NUBPL: variants seen among roughly 807,000 people sequenced by gnomAD.
NUBPL encodes iron-sulfur cluster transfer protein NUBPL.
In NUBPL, 31 loss-of-function variants were observed where a neutral mutation model predicts 45.7. The ratio of observed to expected loss-of-function variants is 0.68; its 90% CI spans 0.51 to 0.92. The LOEUF (loss-of-function observed/expected upper bound fraction) is 0.92, where lower values mean the gene tolerates loss of function less well. Among genes scored for constraint, NUBPL ranks in the 40% least tolerant of loss-of-function variants. NUBPL has a pLI of 0.00. For missense variants in NUBPL, 401 were observed against 398.7 expected (o/e 1.01, Z -0.05); for synonymous variants, 144 against 140.9 (o/e 1.02, Z -0.15).
chr14:31,561,645 A>G, intron 1 of NUBPL, 98 bp downstream of exon 1: 2 of 792,270 alleles, frequency 2.5e-6, no homozygotes, highest in Non-Finnish European at 3.6e-6. Context: ...GACTCGCCTC[A>G]GTTCCTGAGA....
chr14:31,712,658 A>G (rs957446943), intron 6 of NUBPL, among the ~76,000 whole-genome samples: 2 of 152,248 alleles, frequency 1.3e-5, no homozygotes, highest in African/African-American at 4.8e-5. Context: ...ACCAAGAGTG[A>G]GTGAGGGCTG....
intron 6 of NUBPL, among the ~76,000 whole-genome samples, chr14:31,676,020 A>T (rs1406433670): frequency 6.6e-6 from 1 of 150,964 alleles, no homozygotes; most frequent in Non-Finnish European, 1.5e-5. Context: ...ATTATACAGG[A>T]TGTAGCTTTT....
At chr14:31,710,262 GT>G (rs1311297870) in intron 6 of NUBPL, among the ~76,000 whole-genome samples, 1 of 152,046 alleles carries the variant, frequency 6.6e-6, no homozygotes, top group African/African-American at 2.4e-5. Flanking sequence ...CGCAGATTTG[GT>G]TTGTTTGTTT....
intron 6 of NUBPL, among the ~76,000 whole-genome samples, chr14:31,728,309 T>TTTA (rs1005520938): frequency 2.2e-4 from 33 of 151,704 alleles, no homozygotes; most frequent in African/African-American, 7.0e-4. Context: ...TATAAATTTA[T>TTTA]TTATTATTAT....
intron 6 of NUBPL, among the ~76,000 whole-genome samples, chr14:31,775,431 C>CA: frequency 6.6e-6 from 1 of 152,084 alleles, no homozygotes; most frequent in East Asian, 1.9e-4. Context: ...AAAAGCAAAA[C>CA]AAAACAAAAG....
chr14:31,672,466 G>A (rs978996891), intron 4 of NUBPL, among the ~76,000 whole-genome samples: 1 of 151,990 alleles, frequency 6.6e-6, no homozygotes, highest in Non-Finnish European at 1.5e-5. Context: ...TTTTATTGAG[G>A]TTATTTATTT....
At chr14:31,805,659 A>G (rs1363782863) in intron 7 of NUBPL, among the ~76,000 whole-genome samples, 1 of 152,200 alleles carries the variant, frequency 6.6e-6, no homozygotes, top group East Asian at 1.9e-4. Context: ...TAATGCAGGA[A>G]TAAAAAAACA....
intron 4 of NUBPL, among the ~76,000 whole-genome samples, chr14:31,632,004 T>C: frequency 6.6e-6 from 1 of 152,150 alleles, no homozygotes; most frequent in Non-Finnish European, 1.5e-5. Context: ...AGTTGTATAA[T>C]AATGAATCAG....
intron 4 of NUBPL, among the ~76,000 whole-genome samples, chr14:31,632,103 G>T (rs1037132507): frequency 6.6e-6 from 1 of 152,138 alleles, no homozygotes; most frequent in South Asian, 2.1e-4. Context: ...GTTTCCTGGG[G>T]CTACTTTCCA....
chr14:31,596,193 G>A (rs2034279041), intron 3 of NUBPL, among the ~76,000 whole-genome samples: 1 of 151,972 alleles, frequency 6.6e-6, no homozygotes, highest in East Asian at 1.9e-4. Context: ...GTGAGCCACC[G>A]CGCCCGGCCT....
chr14:31,828,466 C>T (rs2040139076), intron 8 of NUBPL, among the ~76,000 whole-genome samples: 1 of 152,174 alleles, frequency 6.6e-6, no homozygotes, highest in Non-Finnish European at 1.5e-5. Flanking sequence ...AATAGCCATT[C>T]TATTTGCACA....
In NUBPL at chr14:31,660,204, ATTC is replaced by A. The variant is rs573156789; in HGVS notation, c.383-13150_383-13148del. ...TGGCTCAAGTTTTGAGTTTTGACCC[ATTC>A]CACTTTCTAGTCTTTACTTACCTTC... On this transcript the variant is annotated intron_variant, in intron 4 of 10. Transcript: ENST00000281081. Among the ~76,000 whole-genome samples the A allele has an allele frequency of 2.1e-3, 318 of 152,230 alleles. 1 individual carries two copies. The highest frequency in any genetic ancestry group is 7.3e-3 in the African/African-American group (304 of 41,550).
chr14:31,805,070 A>G (rs997006590), intron 7 of NUBPL, among the ~76,000 whole-genome samples: 1 of 127,440 alleles, frequency 7.8e-6, no homozygotes, highest in South Asian at 2.6e-4. Context: ...TCTATTTACA[A>G]GACAAAAAAA....
chr14:31,739,200 TTCTATATATATATTATATTA>T (rs1260125243), intron 6 of NUBPL, among the ~76,000 whole-genome samples: 2 of 142,178 alleles, frequency 1.4e-5, no homozygotes, highest in African/African-American at 5.0e-5. Flanking sequence ...ATATATTATA[TTCTATATATATATTATATTA>T]TATATATATA....
At chr14:31,817,386 C>T (rs376994492) in intron 7 of NUBPL, among the ~76,000 whole-genome samples, 1 of 152,066 alleles carries the variant, frequency 6.6e-6, no homozygotes, top group Non-Finnish European at 1.5e-5. Flanking sequence ...TCAGATTCAC[C>T]AAGGTTGAAA....
intron 4 of NUBPL, among the ~76,000 whole-genome samples, chr14:31,636,684 C>A (rs1307070930): frequency 3.9e-5 from 6 of 152,140 alleles, no homozygotes; most frequent in Admixed American, 3.3e-4. Context: ...CCTTCTTGTA[C>A]CTCTGGTAGA....
chr14:31,572,186 C>T (rs781326365), intron 3 of NUBPL, among the ~76,000 whole-genome samples: 10 of 151,970 alleles, frequency 6.6e-5, no homozygotes, highest in Non-Finnish European at 1.3e-4. Context: ...GTCACCCAGG[C>T]TGGAGTACAG....
At chr14:31,759,739 C>G (rs959388613) in intron 6 of NUBPL, among the ~76,000 whole-genome samples, 2 of 149,800 alleles carry the variant, frequency 1.3e-5, no homozygotes, top group African/African-American at 2.5e-5. Context: ...TAAATATTCT[C>G]TTGTATCTTG....
intron 6 of NUBPL, among the ~76,000 whole-genome samples, chr14:31,735,378 A>G (rs1014170923): frequency 2.0e-5 from 3 of 152,204 alleles, no homozygotes; most frequent in Non-Finnish European, 4.4e-5. Context: ...ATTTGGTATC[A>G]CAAGTAGTAT....
Sources: allele counts gnomAD v4.1 joint callset (sites outside exome capture counted in the v4.1 genomes callset), GRCh38; gene constraint gnomAD v4.1.1; transcripts MANE v1.5; gene names NCBI Gene and HGNC (gene_info 2026-07-23, HGNC 2026-07-21).